ITM2B: variants seen among roughly 807,000 people sequenced by gnomAD.
ITM2B encodes integral membrane protein 2B.
ITM2B carries 11 observed loss-of-function variants against 27.8 expected under a neutral mutation model. That is an observed-to-expected ratio of 0.40 (90% CI 0.25 to 0.66). The LOEUF (loss-of-function observed/expected upper bound fraction) is 0.66. Ranked by LOEUF, ITM2B falls within the 30% of genes least tolerant of loss-of-function variation. The probability of loss-of-function intolerance (pLI) is 0.43; values close to 1 mark genes in which losing one functional copy is unlikely to be tolerated. For synonymous variants in ITM2B, 114 were observed against 114.3 expected (o/e 1.00, Z 0.02); for missense variants, 296 against 328.9 (o/e 0.90, Z 0.77).
chr13:48,261,959 C>T lies in ITM2B; in HGVS notation c.*735C>T, dbSNP rs980094591. ...AAGAGAATCCACATAAAAGAAGAAA[C>T]TATTTTTTAAAAATTCACTTCTATA... On this transcript the variant is annotated 3_prime_UTR_variant, in exon 6 of 6. Coordinates refer to ENST00000647800, the MANE Select transcript of ITM2B (RefSeq NM_021999.5). 6.6e-6 allele frequency: 1 copy of T among 152,360 alleles called. No individual in the cohort carries two copies. Among genetic ancestry groups the T allele is most frequent in the Non-Finnish European group, 1.5e-5 (1 of 67,956 alleles). The allele number at this position is 152,360 out of a possible 1,614,324, so 9.4% of individuals were successfully genotyped here.
intron 1 of ITM2B, among the ~76,000 whole-genome samples, chr13:48,246,193 T>A (rs1239195901): frequency 6.6e-6 from 1 of 152,204 alleles, no homozygotes; most frequent in African/African-American, 2.4e-5. Flanking sequence ...AATACTAATT[T>A]AACTTAACTA....
chr13:48,259,215 A>G (rs1336541790), intron 5 of ITM2B, among the ~76,000 whole-genome samples: 1 of 152,100 alleles, frequency 6.6e-6, no homozygotes, highest in Non-Finnish European at 1.5e-5. Flanking sequence ...ACCCTGTCCA[A>G]CTTCCCATCC....
chr13:48,244,143 A>G (rs970179502), intron 1 of ITM2B, among the ~76,000 whole-genome samples: 1 of 152,214 alleles, frequency 6.6e-6, no homozygotes, highest in Non-Finnish European at 1.5e-5. Flanking sequence ...TGTATTGATC[A>G]TATATTCAGA....
rs1179186775 is a variant in ITM2B at position 48,263,267 on chromosome 13, C to T, written c.*2043C>T. ...CCATGATTTTACTTCATTTCCAGTA[C>T]TATTCTGATAATTTCCTTTAGAGTC... On this transcript the variant is annotated 3_prime_UTR_variant, in exon 6 of 6. Transcript: ENST00000647800. The T allele has an allele frequency of 6.6e-6, 1 of 152,146 alleles. No homozygotes were observed. The allele number at this position is 152,146 out of a possible 1,614,324, so 9.4% of individuals were successfully genotyped here.
At chr13:48,239,395 G>A (rs572147030) in intron 1 of ITM2B, among the ~76,000 whole-genome samples, 48 of 152,312 alleles carry the variant, frequency 3.2e-4, no homozygotes, top group Admixed American at 2.7e-3. Context: ...AGCACTTTGG[G>A]ATACTGAGGC....
chr13:48,244,670 C>T (rs1306203231), intron 1 of ITM2B, among the ~76,000 whole-genome samples: 1 of 152,112 alleles, frequency 6.6e-6, no homozygotes, highest in African/African-American at 2.4e-5. Flanking sequence ...TGTTGAAAGA[C>T]ATTAAAAGCC....
In ITM2B at chr13:48,245,526, G is replaced by A. The variant is rs182312214; in HGVS notation, c.118-8282G>A. ...TATGATCCAGTTCTAAATGCATTGCGTTGATAATCTGCCTGTTGTTTTTTT... is the reference window on the plus strand; with the variant it reads ...TATGATCCAGTTCTAAATGCATTGCATTGATAATCTGCCTGTTGTTTTTTT... On this transcript the variant is annotated intron_variant, in intron 1 of 5. Coordinates refer to ENST00000647800, the MANE Select transcript of ITM2B (RefSeq NM_021999.5). 2.1e-3 allele frequency among the ~76,000 whole-genome samples: 307 copies of A among 149,462 alleles called. 1 individual carries two copies. Among genetic ancestry groups the A allele is most frequent in the South Asian group, 0.013 (61 of 4,694 alleles).
intron 1 of ITM2B, among the ~76,000 whole-genome samples, chr13:48,242,680 A>G (rs1951706255): frequency 6.6e-6 from 1 of 152,044 alleles, no homozygotes; most frequent in Non-Finnish European, 1.5e-5. Context: ...CAGCATTTTG[A>G]TGGCATTGCT....
Position 48,265,399 on chromosome 13 carries a change from A to C in ITM2B, c.*4175A>C, listed in dbSNP as rs1168117159. ...TTAAGAAACCCAAGCCAGAAACCCC[A>C]CAGTCTTCACAGTCACTGTGTCCTC... On this transcript the variant is annotated 3_prime_UTR_variant, in exon 6 of 6. Transcript: ENST00000647800. 6.6e-6 allele frequency: 1 copy of C among 152,120 alleles called. No individual in the cohort carries two copies. The highest frequency in any genetic ancestry group is 1.5e-5 in the Non-Finnish European group (1 of 68,068). The allele number at this position is 152,120 out of a possible 1,614,324, so 9.4% of individuals were successfully genotyped here. A position where few individuals can be genotyped will look rare whatever the true frequency, so the allele number is the denominator to read the frequency against.
intron 1 of ITM2B, among the ~76,000 whole-genome samples, chr13:48,248,334 C>T (rs184852229): frequency 1.0e-3 from 153 of 151,400 alleles, no homozygotes; most frequent in African/African-American, 3.6e-3. Context: ...TAGGATCTTG[C>T]TATGTTGCCC....
intron 1 of ITM2B, among the ~76,000 whole-genome samples, chr13:48,248,230 T>A (rs920118295): frequency 2.0e-5 from 3 of 152,134 alleles, no homozygotes; most frequent in Non-Finnish European, 1.5e-5. Flanking sequence ...CAACGTGCCT[T>A]TTTTGGGGGG....
intron 5 of ITM2B, among the ~76,000 whole-genome samples, chr13:48,259,652 TCTCTC>T (rs1372085535): frequency 6.6e-6 from 1 of 151,994 alleles, no homozygotes; most frequent in East Asian, 1.9e-4. Context: ...ATAATACTGT[TCTCTC>T]ATCTCCGGCG....
rs769773974 is a variant in ITM2B at position 48,233,448 on chromosome 13, C to T, written c.88C>T (p.Pro30Ser). The change falls in exon 1 of 6, where the codon CCC (proline) becomes TCC (serine). Residue 30 changes from proline (P) to serine (S), a missense_variant. Physicochemically the swap from Pro to Ser is moderately conservative, Grantham distance 74 (BLOSUM62 -1). Coordinates refer to ENST00000647800, the MANE Select transcript of ITM2B (RefSeq NM_021999.5). ...PKSGEEALII[P>S]PDAVAVDCKD... ...GAGCGGCGAGGAGGCGCTCATCATC[C>T]CCCCCGACGCCGTCGCGGTGGACTG... The T allele has an allele frequency of 1.0e-4, 157 of 1,536,996 alleles. 3 individuals carry two copies. In the Admixed American group the frequency reaches 3.0e-3, roughly 30 times the overall value.
intron 1 of ITM2B, among the ~76,000 whole-genome samples, chr13:48,252,330 C>T (rs2137989892): frequency 6.6e-6 from 1 of 152,346 alleles, no homozygotes; most frequent in East Asian, 1.9e-4. Flanking sequence ...ACCGCCAGGC[C>T]ACAGACCAGT....
At chr13:48,242,567 A>C (rs1951705636) in intron 1 of ITM2B, among the ~76,000 whole-genome samples, 1 of 152,112 alleles carries the variant, frequency 6.6e-6, no homozygotes, top group South Asian at 2.1e-4. Flanking sequence ...GAAGAAAAAG[A>C]TAAATTTTTA....
chr13:48,234,529 C>T (rs7327419), intron 1 of ITM2B, among the ~76,000 whole-genome samples: 7,068 of 151,962 alleles, frequency 0.047, 542 homozygotes, highest in African/African-American at 0.16. Context: ...TGGTGTGCCA[C>T]GTATGAATAA....
chr13:48,252,417 C>T (rs185640842), intron 1 of ITM2B, among the ~76,000 whole-genome samples: 129 of 152,288 alleles, frequency 8.5e-4, no homozygotes, highest in South Asian at 1.9e-3. Flanking sequence ...CTCAGATCAG[C>T]GGGGGCATTA....
rs1951842585 is a variant in ITM2B, at chr13:48,264,696, C to T, written c.*3472C>T. On this transcript the variant is annotated 3_prime_UTR_variant, in exon 6 of 6. Coordinates refer to ENST00000647800, the MANE Select transcript of ITM2B (RefSeq NM_021999.5). ...CATGTGTATCTATTTAGAAAAAGAA[C>T]ATTTCTTCATTTCCACAAAGCTACA... 1 of 152,120 alleles carries T rather than the reference C, an allele frequency of 6.6e-6. No individual in the cohort carries two copies. The highest frequency in any genetic ancestry group is 2.4e-5 in the African/African-American group (1 of 41,434). The allele number at this position is 152,120 out of a possible 1,614,324, so 9.4% of individuals were successfully genotyped here.
intron 1 of ITM2B, among the ~76,000 whole-genome samples, chr13:48,237,276 A>G (rs568867874): frequency 5.3e-5 from 8 of 152,330 alleles, no homozygotes; most frequent in African/African-American, 1.9e-4. Context: ...GTTTGCAGAT[A>G]TTGGCCAGTG....
Sources: allele counts gnomAD v4.1 joint callset (sites outside exome capture counted in the v4.1 genomes callset), GRCh38; gene constraint gnomAD v4.1.1; transcripts MANE v1.5; gene names NCBI Gene and HGNC (gene_info 2026-07-23, HGNC 2026-07-21).